The following SLCO1A2 variants were observed in gnomAD, a reference collection of about 807,000 sequenced individuals.
SLCO1A2 encodes the protein solute carrier organic anion transporter family member 1A2.
In SLCO1A2, 67 loss-of-function variants were observed where a neutral mutation model predicts 69.0. The observed-to-expected ratio is 0.97, with a 90% CI of 0.80 to 1.19. The LOEUF is 1.19. SLCO1A2 is among the 50% of genes most tolerant of loss of function. The pLI is 0.00. For missense variants in SLCO1A2, 787 were observed against 793.7 expected (o/e 0.99, Z 0.10); for synonymous variants, 260 against 265.9 (o/e 0.98, Z 0.22).
At chr12:21,343,673 A>G (rs1953151125) in intron 2 of SLCO1A2, among the ~76,000 whole-genome samples, 1 of 152,116 alleles carries the variant, frequency 6.6e-6, no homozygotes, top group Non-Finnish European at 1.5e-5. Context: ...TCAGCATGAC[A>G]TCAGCTAACC....
intron 1 of SLCO1A2, among the ~76,000 whole-genome samples, chr12:21,417,079 C>G (rs1368190138): frequency 6.6e-6 from 1 of 151,914 alleles, no homozygotes; most frequent in Non-Finnish European, 1.5e-5. Flanking sequence ...CAGTGGTACT[C>G]AATGTATTCT....
intron 1 of SLCO1A2, among the ~76,000 whole-genome samples, chr12:21,401,410 G>T (rs1321248573): frequency 6.6e-6 from 1 of 151,746 alleles, no homozygotes; most frequent in Non-Finnish European, 1.5e-5. Flanking sequence ...ATGTGCAACT[G>T]TATGAAGAAG....
upstream of SLCO1A2, among the ~76,000 whole-genome samples, chr12:21,335,574 A>G (rs562117573): frequency 3.9e-5 from 6 of 152,020 alleles, no homozygotes; most frequent in Non-Finnish European, 8.8e-5. Context: ...CACTTTGGCA[A>G]TATTTATTCT....
intron 2 of SLCO1A2, among the ~76,000 whole-genome samples, chr12:21,343,005 G>A (rs1953126495): frequency 6.6e-6 from 1 of 152,098 alleles, no homozygotes; most frequent in Admixed American, 6.6e-5. Flanking sequence ...TCACATCCAG[G>A]TGGGTATGTC....
At chr12:21,270,328 A>G (rs888153240) in intron 14 of SLCO1A2, among the ~76,000 whole-genome samples, 1 of 151,764 alleles carries the variant, frequency 6.6e-6, no homozygotes, top group Non-Finnish European at 1.5e-5. Context: ...ACACCAATAG[A>G]TTTTCTGATA....
In SLCO1A2 at chr12:21,300,572, G is replaced by A; in HGVS notation, c.689-3C>T. On this transcript the variant is annotated splice_region_variant and splice_polypyrimidine_tract_variant and intron_variant, in intron 7 of 14. Coordinates refer to ENST00000683939, the MANE Select transcript of SLCO1A2 (RefSeq NM_001386879.1). ...AGTGGGAGTTATGATCAGATCATCT[G>A]TAAAAAAATACACACACTGTTATTA... The A allele has an allele frequency of 6.3e-7, 1 of 1,593,950 alleles. No homozygotes were observed. The highest frequency in any genetic ancestry group is 1.1e-5 in the South Asian group (1 of 87,364).
chr12:21,399,284 AAG>A (rs1941601964), upstream of SLCO1A2, among the ~76,000 whole-genome samples: 1 of 50,914 alleles, frequency 2.0e-5, no homozygotes, highest in African/African-American at 8.5e-5. Flanking sequence ...AATTGCTTCA[AAG>A]AGAATAAAAT....
intron 12 of SLCO1A2, 50 bp from the exon 13 acceptor site, chr12:21,275,474 T>TATCA: frequency 7.4e-7 from 1 of 1,350,302 alleles, no homozygotes; most frequent in Non-Finnish European, 9.7e-7. Flanking sequence ...GATTTAAAAC[T>TATCA]ATCATATTGT....
intron 1 of SLCO1A2, among the ~76,000 whole-genome samples, chr12:21,412,220 A>C (rs988431520): frequency 2.0e-5 from 3 of 151,982 alleles, no homozygotes; most frequent in African/African-American, 7.2e-5. Context: ...ATCCCTACTA[A>C]AAATACAAAA....
chr12:21,407,198 A>T (rs530994811), intron 1 of SLCO1A2, among the ~76,000 whole-genome samples: 54 of 152,384 alleles, frequency 3.5e-4, no homozygotes, highest in Middle Eastern at 6.8e-3. Context: ...AATTCAAAGC[A>T]TAAGAAGGAA....
intron 3 of SLCO1A2, among the ~76,000 whole-genome samples, chr12:21,318,486 A>C (rs1951174041): frequency 6.6e-6 from 1 of 152,134 alleles, no homozygotes; most frequent in South Asian, 2.1e-4. Flanking sequence ...TTATCAAATG[A>C]TATTTAAATA....
chr12:21,384,389 AACC>A (rs1242192415), intron 1 of SLCO1A2, among the ~76,000 whole-genome samples: 1 of 152,234 alleles, frequency 6.6e-6, no homozygotes, highest in East Asian at 1.9e-4. Flanking sequence ...TGTACCGCAC[AACC>A]ACATCTAGAA....
At chr12:21,362,443 A>C (rs1938987301) in intron 2 of SLCO1A2, among the ~76,000 whole-genome samples, 1 of 152,186 alleles carries the variant, frequency 6.6e-6, no homozygotes, top group South Asian at 2.1e-4. Flanking sequence ...CACTGCAAAA[A>C]CATGCCAAAT....
Position 21,407,993 on chromosome 12 carries a change from G to C in SLCO1A2, c.-312+9889C>G, listed in dbSNP as rs1941849527. Among the ~76,000 whole-genome samples the C allele has an allele frequency of 2.0e-5, 3 of 152,218 alleles. No individual in the cohort carries two copies. The South Asian group carries it at 6.2e-4, about 32-fold the overall frequency. On this transcript the variant is annotated intron_variant, in intron 1 of 4. Transcript: ENST00000413682. Reference sequence around the variant, plus strand: ...ACACATTCAGAACATATTTGGGAGAGAGCCTGAAAGGTTTACTGACTGAGC... The same window carrying C: ...ACACATTCAGAACATATTTGGGAGACAGCCTGAAAGGTTTACTGACTGAGC...
chr12:21,324,161 A>G (rs1302632034), intron 2 of SLCO1A2, among the ~76,000 whole-genome samples: 2 of 152,212 alleles, frequency 1.3e-5, no homozygotes, highest in Non-Finnish European at 2.9e-5. Context: ...ATGTAAAGAA[A>G]AACTATAATC....
chr12:21,375,345 T>C (rs1940113273), intron 1 of SLCO1A2, among the ~76,000 whole-genome samples: 2 of 152,226 alleles, frequency 1.3e-5, no homozygotes, highest in South Asian at 4.1e-4. Context: ...TTTGTCATGC[T>C]GAGATGTTAA....
intron 1 of SLCO1A2, among the ~76,000 whole-genome samples, chr12:21,388,788 T>A (rs2137146870): frequency 6.6e-6 from 1 of 152,290 alleles, no homozygotes; most frequent in East Asian, 1.9e-4. Context: ...TTCTTGATTC[T>A]AAGACTTCTG....
intron 2 of SLCO1A2, among the ~76,000 whole-genome samples, chr12:21,321,400 C>T (rs777299747): frequency 6.6e-6 from 1 of 152,196 alleles, no homozygotes; most frequent in East Asian, 1.9e-4. Flanking sequence ...GTTTACTCTC[C>T]TCTAGCCTTG....
intron 1 of SLCO1A2, among the ~76,000 whole-genome samples, chr12:21,402,324 A>C (rs1194177947): frequency 6.6e-6 from 1 of 152,072 alleles, no homozygotes; most frequent in Non-Finnish European, 1.5e-5. Flanking sequence ...GCAAATTGAA[A>C]AGAAAAAGCA....
Sources: gnomAD v4.1 joint callset for allele counts (sites outside exome capture counted in the v4.1 genomes callset) on GRCh38, gnomAD v4.1.1 for gene constraint, MANE v1.5 for transcripts, NCBI Gene and HGNC (gene_info 2026-07-23, HGNC 2026-07-21) for gene names.